TBCD: variants seen among roughly 807,000 people sequenced by gnomAD.
The protein encoded by TBCD is tubulin-specific chaperone D.
Under a neutral mutation model 169.3 loss-of-function variants are expected in TBCD, and 105 were observed. That is an observed-to-expected ratio of 0.62 (90% CI 0.53 to 0.73). The LOEUF (loss-of-function observed/expected upper bound fraction) is 0.73, where lower values mean the gene tolerates loss of function less well. TBCD is among the 30% of genes least tolerant of loss of function. The pLI is 0.00. For synonymous variants in TBCD, 700 were observed against 643.9 expected (o/e 1.09, Z -1.32); for missense variants, 1,444 against 1,600.1 (o/e 0.90, Z 1.66).
chr17:82,838,393 C>A (rs1448339415), intron 13 of TBCD, among the ~76,000 whole-genome samples: 1 of 151,744 alleles, frequency 6.6e-6, no homozygotes, highest in African/African-American at 2.4e-5. Flanking sequence ...CTTTATGGGA[C>A]GTTTCTGTGA....
intron 14 of TBCD, among the ~76,000 whole-genome samples, chr17:82,881,014 G>T (rs1234015108): frequency 6.6e-6 from 1 of 152,224 alleles, no homozygotes; most frequent in Non-Finnish European, 1.5e-5. Flanking sequence ...AGGGAGGCCA[G>T]TGCTTTTGGG....
At chr17:82,917,321 A>G (rs1406229450) in intron 23 of TBCD, among the ~76,000 whole-genome samples, 2 of 152,140 alleles carry the variant, frequency 1.3e-5, no homozygotes, top group South Asian at 2.1e-4. Flanking sequence ...TTTAAATTTC[A>G]TTGTCACAAA....
At position 82,923,261 on chromosome 17, in the gene TBCD, C is replaced by G. The variant is rs2147186139; in HGVS notation, c.2179-391C>G. The stretch of plus-strand genomic sequence containing the variant: ...GGAAGGAATAATCAGGTTATCCATT[C>G]AGTTTCTTAGTTGTAGTGGTAGTAA... On this transcript the variant is annotated intron_variant, in intron 25 of 38. Transcript: ENST00000355528. The surrounding 1 kb of genome is among the most constrained non-coding windows in gnomAD (Gnocchi z 4.6). Among the ~76,000 whole-genome samples the G allele has an allele frequency of 6.6e-6, 1 of 152,340 alleles. No individual in the cohort carries two copies. Among genetic ancestry groups the G allele is most frequent in the Admixed American group, 6.5e-5 (1 of 15,298 alleles).
intron 17 of TBCD, among the ~76,000 whole-genome samples, chr17:82,900,062 T>A (rs940936236): frequency 6.6e-6 from 1 of 152,238 alleles, no homozygotes; most frequent in Admixed American, 6.5e-5. Flanking sequence ...TAGCTGTATA[T>A]GGAGTGCAGG....
chr17:82,764,773 C>CTG (rs58806550), intron 3 of TBCD, among the ~76,000 whole-genome samples: 4 of 131,660 alleles, frequency 3.0e-5, no homozygotes, highest in African/African-American at 6.4e-5. Flanking sequence ...TTGCGGGTGT[C>CTG]TGTGCTCATA....
intron 2 of TBCD, among the ~76,000 whole-genome samples, chr17:82,756,811 A>G (rs1172348374): frequency 1.3e-5 from 2 of 152,058 alleles, no homozygotes; most frequent in Non-Finnish European, 2.9e-5. Context: ...TTAGTTTATT[A>G]TTTTAGTTTA....
chr17:82,940,066 G>C (rs1202618686), intron 37 of TBCD, among the ~76,000 whole-genome samples: 2 of 152,144 alleles, frequency 1.3e-5, no homozygotes, highest in Non-Finnish European at 1.5e-5. Flanking sequence ...TATTGAGTTG[G>C]GGGTGGGAGG....
In TBCD at chr17:82,833,268, C is replaced by T. The variant is rs1428109753; in HGVS notation, c.1318+18334C>T. On this transcript the variant is annotated intron_variant, in intron 13 of 38. Coordinates refer to ENST00000355528, the MANE Select transcript of TBCD (RefSeq NM_005993.5). This position sits in a 1 kb window ranked among gnomAD's most constrained non-coding sequence, Gnocchi z 4.7. ...GAGCTCTCCCAAGTGCTGTGCGCCC[C>T]TGCCGTCGGCCTGTAGAACCCAAGA... is the stretch of plus-strand genomic sequence containing the variant. 6.6e-6 allele frequency among the ~76,000 whole-genome samples: 1 copy of T among 152,152 alleles called. No individual in the cohort carries two copies. The highest frequency in any genetic ancestry group is 1.9e-4 in the East Asian group (1 of 5,182).
chr17:82,903,553 G>T lies in TBCD; in HGVS notation c.1804+75G>T. 2 of 1,417,262 alleles carry T rather than the reference G, an allele frequency of 1.4e-6. No individual in the cohort carries two copies. The highest frequency in any genetic ancestry group is 1.9e-6 in the Non-Finnish European group (2 of 1,032,352). 87.8% of individuals were successfully genotyped at this position (1,417,262 alleles called of 1,614,324 possible). On this transcript the variant is annotated intron_variant, in intron 19 of 38. Coordinates refer to ENST00000355528, the MANE Select transcript of TBCD (RefSeq NM_005993.5). This position sits in a 1 kb window ranked among gnomAD's most constrained non-coding sequence, Gnocchi z 4.8. Reference sequence around the variant, plus strand: ...AAGGCCTGGGTTGCTGGTTTCAAAGGCTGGGGGCTGAAAATAAGGTTGTGC... The same window carrying T: ...AAGGCCTGGGTTGCTGGTTTCAAAGTCTGGGGGCTGAAAATAAGGTTGTGC...
intron 13 of TBCD, among the ~76,000 whole-genome samples, chr17:82,855,821 C>G (rs1288367288): frequency 6.6e-6 from 1 of 152,106 alleles, no homozygotes; most frequent in African/African-American, 2.4e-5. Flanking sequence ...CCCCTGGCAC[C>G]TGCCAGGCTG....
rs568274705 is a variant in TBCD, at chr17:82,943,917, G to A, written c.*1454G>A. 3.9e-4 allele frequency: 60 copies of A among 152,358 alleles called. No homozygotes were observed. Among genetic ancestry groups the A allele is most frequent in the African/African-American group, 1.4e-3 (59 of 41,558 alleles). 9.4% of individuals were successfully genotyped at this position (152,358 alleles called of 1,614,324 possible). ...TGACCAGGCCTAGCCTTGGCCACATGAGTCCACACAGTGGAAAAGGCTTGG... is the reference window on the plus strand; with the variant it reads ...TGACCAGGCCTAGCCTTGGCCACATAAGTCCACACAGTGGAAAAGGCTTGG... On this transcript the variant is annotated 3_prime_UTR_variant, in exon 39 of 39. Coordinates refer to ENST00000355528, the MANE Select transcript of TBCD (RefSeq NM_005993.5).
intron 2 of TBCD, among the ~76,000 whole-genome samples, chr17:82,760,511 A>C (rs652265): frequency 0.49 from 75,176 of 151,942 alleles, 20,020 homozygotes; most frequent in African/African-American, 0.71. Flanking sequence ...TTGTGAAACT[A>C]TTTGTTATGT....
chr17:82,905,004 T>C (rs1428202393), intron 19 of TBCD, among the ~76,000 whole-genome samples: 1 of 152,188 alleles, frequency 6.6e-6, no homozygotes, highest in Non-Finnish European at 1.5e-5. Context: ...TCTCAAACCA[T>C]CGCAAGCCTG....
chr17:82,905,168 C>CTGT (rs1311753845), intron 19 of TBCD, among the ~76,000 whole-genome samples: 2 of 152,234 alleles, frequency 1.3e-5, no homozygotes, highest in Non-Finnish European at 2.9e-5. Flanking sequence ...AGCCCTGCCT[C>CTGT]TGTCCTGCTC....
At chr17:82,899,740 C>T (rs927263704) in intron 17 of TBCD, among the ~76,000 whole-genome samples, 17 of 152,210 alleles carry the variant, frequency 1.1e-4, no homozygotes, top group Non-Finnish European at 2.1e-4. Context: ...CTTGTACTTT[C>T]ACCAGAACGT....
chr17:82,831,644 G>T lies in TBCD; in HGVS notation c.1318+16710G>T, dbSNP rs1894286464. On this transcript the variant is annotated intron_variant, in intron 13 of 38. Transcript: ENST00000355528. This position sits in a 1 kb window ranked among gnomAD's most constrained non-coding sequence, Gnocchi z 4.6. ...TGGGTTCCGTAGACTGACAGCAGGG[G>T]TGCGTCACACTCAGGCGAGCTCCCA... is the stretch of plus-strand genomic sequence containing the variant. The T allele has an allele frequency of 6.2e-7, 1 of 1,614,172 alleles. No individual in the cohort carries two copies. The highest frequency in any genetic ancestry group is 2.2e-5 in the East Asian group (1 of 44,882).
rs567079240 is a variant in TBCD, at chr17:82,930,338, C to T, written c.2992-184C>T. ...GTTGCCGAGAGCCTTGTGTCTGCTT[C>T]GGGTGTCTGCACTGTGAGTGGCTCC... On this transcript the variant is annotated intron_variant, in intron 32 of 38. Transcript: ENST00000355528. The surrounding 1 kb of genome is among the most constrained non-coding windows in gnomAD (Gnocchi z 5.2). 32 of 758,832 alleles carry T rather than the reference C, an allele frequency of 4.2e-5. No individual in the cohort carries two copies. The Admixed American group carries it at 4.3e-4, about 10-fold the overall frequency. 47.0% of individuals were successfully genotyped at this position (758,832 alleles called of 1,614,324 possible).
intron 13 of TBCD, 81 bp from the exon 14 acceptor site, chr17:82,870,142 GC>G: frequency 6.3e-7 from 1 of 1,587,552 alleles, no homozygotes; most frequent in Non-Finnish European, 8.6e-7. Flanking sequence ...CCGCGCTCCG[GC>G]CCTGAGCCCC....
At position 82,805,117 on chromosome 17, in the gene TBCD, C is replaced by T. The variant is rs542084165; in HGVS notation, c.951-758C>T. ...CACCCTTGGCAGGAGCAGCTGTGTA[C>T]GCGGGGGCCTTGCTCAGCGCAGGGC... On this transcript the variant is annotated intron_variant, in intron 9 of 38. Transcript: ENST00000355528. 6.6e-5 allele frequency among the ~76,000 whole-genome samples: 10 copies of T among 152,370 alleles called. No individual in the cohort carries two copies. The South Asian group carries it at 2.1e-3, about 32-fold the overall frequency.
Sources: gnomAD v4.1 joint callset for allele counts (sites outside exome capture counted in the v4.1 genomes callset) on GRCh38, gnomAD v4.1.1 for gene constraint, Gnocchi (gnomAD v3.1) non-coding constraint, MANE v1.5 for transcripts, NCBI Gene and HGNC (gene_info 2026-07-23, HGNC 2026-07-21) for gene names.